Variants in RBFOX1 observed in about 807,000 individuals in gnomAD.
The protein encoded by RBFOX1 is RNA binding protein fox-1 homolog 1.
Under a neutral mutation model 57.7 loss-of-function variants are expected in RBFOX1, and 8 were observed. That is an observed-to-expected ratio of 0.14 (90% CI 0.08 to 0.25). RBFOX1 has a LOEUF of 0.25. Ranked by LOEUF, RBFOX1 falls within the 10% of genes least tolerant of loss-of-function variation. The probability of loss-of-function intolerance (pLI) is 1.00; values close to 1 mark genes in which losing one functional copy is unlikely to be tolerated. For synonymous variants in RBFOX1, 326 were observed against 222.4 expected, an observed-to-expected ratio of 1.47 and a Z score of -4.15; for missense variants, 611 against 548.5, an observed-to-expected ratio of 1.11 and a Z score of -1.14.
intron 3 of RBFOX1, among the ~76,000 whole-genome samples, chr16:6,763,176 A>G (rs1334998859): frequency 1.3e-5 from 2 of 152,208 alleles, no homozygotes; most frequent in African/African-American, 2.4e-5. Flanking sequence ...TTGCTAACCT[A>G]ATGCCTTCAG....
At chr16:7,350,720 C>A (rs538309589) in intron 4 of RBFOX1, among the ~76,000 whole-genome samples, 1 of 152,132 alleles carries the variant, frequency 6.6e-6, no homozygotes, top group African/African-American at 2.4e-5. Context: ...CTTCATTGAC[C>A]GGAGAATTCT....
At chr16:6,837,642 A>G (rs1217609514) in intron 3 of RBFOX1, among the ~76,000 whole-genome samples, 1 of 152,060 alleles carries the variant, frequency 6.6e-6, no homozygotes. Flanking sequence ...TCTAAGCCTC[A>G]CTCCCTCATT....
intron 3 of RBFOX1, among the ~76,000 whole-genome samples, chr16:5,637,724 C>G (rs950192804): frequency 1.3e-5 from 2 of 152,106 alleles, no homozygotes; most frequent in Non-Finnish European, 2.9e-5. Flanking sequence ...AAGGGTGGAA[C>G]AGGAGATGTG....
intron 4 of RBFOX1, among the ~76,000 whole-genome samples, chr16:7,279,537 C>A (rs771372047): frequency 3.9e-5 from 6 of 152,156 alleles, no homozygotes; most frequent in Non-Finnish European, 7.3e-5. Context: ...TGCTTGCTGG[C>A]TTTGGGGTAA....
intron 3 of RBFOX1, among the ~76,000 whole-genome samples, chr16:6,898,617 A>G (rs992698420): frequency 2.0e-5 from 3 of 152,178 alleles, no homozygotes; most frequent in African/African-American, 7.2e-5. Context: ...GAAGTAGGTT[A>G]TTTTTAAAAT....
chr16:5,971,099 C>T (rs1267831648), intron 4 of RBFOX1, among the ~76,000 whole-genome samples: 3 of 152,200 alleles, frequency 2.0e-5, no homozygotes, highest in African/African-American at 4.8e-5. Context: ...TTCTTCCTCC[C>T]GTATCCAGGT....
intron 2 of RBFOX1, among the ~76,000 whole-genome samples, chr16:6,444,845 G>T (rs532121627): frequency 1.5e-4 from 23 of 152,214 alleles, no homozygotes; most frequent in African/African-American, 4.8e-4. Context: ...GCTGGGGCTT[G>T]GTTCTGTGTG....
intron 3 of RBFOX1, among the ~76,000 whole-genome samples, chr16:5,606,965 G>T (rs2047604565): frequency 6.6e-6 from 1 of 152,192 alleles, no homozygotes; most frequent in African/African-American, 2.4e-5. Flanking sequence ...TGTGATCAGT[G>T]TGTGGCCACT....
chr16:7,063,635 A>T (rs912274200), intron 4 of RBFOX1, among the ~76,000 whole-genome samples: 1 of 152,156 alleles, frequency 6.6e-6, no homozygotes, highest in African/African-American at 2.4e-5. Context: ...TAGGAATGCT[A>T]TTGGCCCTTC....
At chr16:5,743,190 TTGTA>T (rs2052841365) in intron 3 of RBFOX1, among the ~76,000 whole-genome samples, 5 of 152,216 alleles carry the variant, frequency 3.3e-5, no homozygotes, top group Admixed American at 2.0e-4. Context: ...CTATTTCTCT[TTGTA>T]TGTCTCTGTG....
intron 2 of RBFOX1, among the ~76,000 whole-genome samples, chr16:6,519,436 C>G (rs1428885071): frequency 6.6e-6 from 1 of 152,168 alleles, no homozygotes; most frequent in East Asian, 1.9e-4. Flanking sequence ...CGCAGTGGCT[C>G]ATGGCTGTAA....
chr16:7,568,327 T>G (rs781173930), intron 5 of RBFOX1, among the ~76,000 whole-genome samples: 1 of 152,140 alleles, frequency 6.6e-6, no homozygotes, highest in Non-Finnish European at 1.5e-5. Context: ...TCCCAGAACT[T>G]AGGGTTCCTC....
At chr16:6,800,733 T>C (rs905369048) in intron 3 of RBFOX1, among the ~76,000 whole-genome samples, 1 of 152,156 alleles carries the variant, frequency 6.6e-6, no homozygotes, top group Non-Finnish European at 1.5e-5. Context: ...CTTTTATCTT[T>C]TAGATAAAGT....
In RBFOX1 at chr16:7,439,686, G is replaced by A. The variant is rs542250865; in HGVS notation, c.28-78461G>A. Among the ~76,000 whole-genome samples the A allele has an allele frequency of 6.6e-4, 101 of 152,296 alleles. 2 individuals carry two copies. Among genetic ancestry groups the A allele is most frequent in the Admixed American group, 6.5e-3 (99 of 15,302 alleles). ...TAACTGTTTTAAAGGCACTATTCAT[G>A]CAAGTGCTGTCTCATTTGTGACTGT... On this transcript the variant is annotated intron_variant, in intron 4 of 15. Coordinates refer to ENST00000550418, the MANE Select transcript of RBFOX1 (RefSeq NM_018723.4).
At chr16:6,029,955 C>T (rs888745553) in intron 1 of RBFOX1, among the ~76,000 whole-genome samples, 4 of 151,936 alleles carry the variant, frequency 2.6e-5, no homozygotes, top group South Asian at 2.1e-4. Context: ...CATTTGTTGC[C>T]CAGGCTGGAG....
intron 2 of RBFOX1, among the ~76,000 whole-genome samples, chr16:6,618,695 T>C (rs2098179346): frequency 6.6e-6 from 1 of 152,150 alleles, no homozygotes; most frequent in Non-Finnish European, 1.5e-5. Flanking sequence ...TGTGTTGGTA[T>C]TAGAAAGGGA....
At chr16:6,085,236 C>G (rs2096066647) in intron 1 of RBFOX1, among the ~76,000 whole-genome samples, 1 of 152,130 alleles carries the variant, frequency 6.6e-6, no homozygotes, top group African/African-American at 2.4e-5. Context: ...GAAACATTGG[C>G]CTGACTTTGA....
intron 3 of RBFOX1, among the ~76,000 whole-genome samples, chr16:7,002,374 G>T (rs541021309): frequency 1.3e-5 from 2 of 152,170 alleles, no homozygotes; most frequent in Non-Finnish European, 2.9e-5. Context: ...GCCCTGATAT[G>T]AAGGTTTTCT....
At chr16:6,691,797 G>A (rs569116696) in intron 3 of RBFOX1, among the ~76,000 whole-genome samples, 2 of 152,202 alleles carry the variant, frequency 1.3e-5, no homozygotes, top group African/African-American at 4.8e-5. Context: ...TAATTATCCA[G>A]ATAGGCTCGA....
Sources: gnomAD v4.1 joint callset for allele counts (sites outside exome capture counted in the v4.1 genomes callset) on GRCh38, gnomAD v4.1.1 for gene constraint, MANE v1.5 for transcripts, NCBI Gene and HGNC (gene_info 2026-07-23, HGNC 2026-07-21) for gene names.